The following KIF13B variants were observed in gnomAD, a reference collection of about 807,000 sequenced individuals.
KIF13B encodes kinesin-like protein KIF13B.
A neutral mutation model predicts 222.0 loss-of-function variants in KIF13B; 127 were observed. That is an observed-to-expected ratio of 0.57 (90% CI 0.50 to 0.66). The LOEUF is 0.66. Ranked by LOEUF, KIF13B falls within the 30% of genes least tolerant of loss-of-function variation. KIF13B has a pLI of 0.00. For synonymous variants in KIF13B, 976 were observed against 919.0 expected, an observed-to-expected ratio of 1.06 and a Z score of -1.12; for missense variants, 2,173 against 2,379.0, an observed-to-expected ratio of 0.91 and a Z score of 1.80.
chr8:29,194,078 C>T (rs1813310269), intron 3 of KIF13B, among the ~76,000 whole-genome samples: 1 of 151,926 alleles, frequency 6.6e-6, no homozygotes, highest in African/African-American at 2.4e-5. Context: ...CTGGCCTCCG[C>T]CTCCCAAAGT....
At chr8:29,113,172 A>C (rs1809435271) in intron 32 of KIF13B, among the ~76,000 whole-genome samples, 1 of 152,232 alleles carries the variant, frequency 6.6e-6, no homozygotes, top group Non-Finnish European at 1.5e-5. Flanking sequence ...TCTCTATGCT[A>C]CGCTGCCTCC....
At chr8:29,208,411 A>C (rs1814054616) in intron 2 of KIF13B, among the ~76,000 whole-genome samples, 1 of 152,256 alleles carries the variant, frequency 6.6e-6, no homozygotes, top group Non-Finnish European at 1.5e-5. Context: ...AAATCTGTAT[A>C]AATAAAATGA....
At chr8:29,260,924 A>G (rs1180127681) in intron 1 of KIF13B, among the ~76,000 whole-genome samples, 1 of 152,172 alleles carries the variant, frequency 6.6e-6, no homozygotes, top group East Asian at 1.9e-4. Context: ...GGCCTGTTTT[A>G]GTCTTTTTAT....
At chr8:29,103,777 C>A (rs573178364) in intron 35 of KIF13B, among the ~76,000 whole-genome samples, 2 of 152,246 alleles carry the variant, frequency 1.3e-5, no homozygotes, top group South Asian at 4.2e-4. Context: ...TAGAACCGAA[C>A]CACTTTCCTC....
At chr8:29,262,221 T>C (rs112588712) in intron 1 of KIF13B, among the ~76,000 whole-genome samples, 146 of 152,352 alleles carry the variant, frequency 9.6e-4, no homozygotes, top group Middle Eastern at 3.4e-3. Flanking sequence ...ACAGATTATT[T>C]AAATGTACTC....
intron 12 of KIF13B, among the ~76,000 whole-genome samples, chr8:29,162,822 G>T (rs193275080): frequency 7.0e-4 from 106 of 152,270 alleles, no homozygotes; most frequent in African/African-American, 2.5e-3. Context: ...ACAGTTTACT[G>T]ATATCATCAA....
intron 12 of KIF13B, among the ~76,000 whole-genome samples, chr8:29,165,237 G>A (rs188069079): frequency 1.8e-3 from 267 of 152,140 alleles, no homozygotes; most frequent in African/African-American, 6.3e-3. Flanking sequence ...TACTTTCACT[G>A]GGTTTTCACA....
chr8:29,125,182 A>G (rs971829036), intron 26 of KIF13B, among the ~76,000 whole-genome samples: 5 of 152,174 alleles, frequency 3.3e-5, no homozygotes, highest in African/African-American at 1.2e-4. Flanking sequence ...TGCTTCTCTC[A>G]CTTGTTTTTA....
intron 35 of KIF13B, among the ~76,000 whole-genome samples, chr8:29,100,933 C>T (rs760611049): frequency 7.9e-5 from 12 of 152,062 alleles, no homozygotes; most frequent in South Asian, 2.1e-4. Context: ...CTGGGTCCTG[C>T]GCACCTCAGA....
intron 35 of KIF13B, among the ~76,000 whole-genome samples, chr8:29,100,328 T>A (rs570268066): frequency 6.6e-6 from 1 of 152,340 alleles, no homozygotes; most frequent in South Asian, 2.1e-4. Flanking sequence ...TGATAAGAGA[T>A]GAGATGTAAA....
chr8:29,117,654 T>C (rs1809666315), intron 30 of KIF13B, among the ~76,000 whole-genome samples: 1 of 152,298 alleles, frequency 6.6e-6, no homozygotes, highest in African/African-American at 2.4e-5. Flanking sequence ...GACTCCTCAC[T>C]GTCAAGACTC....
intron 1 of KIF13B, among the ~76,000 whole-genome samples, chr8:29,252,089 AG>A: frequency 6.6e-6 from 1 of 152,332 alleles, no homozygotes; most frequent in East Asian, 1.9e-4. Flanking sequence ...AAGGAAAAAA[AG>A]GAAGAAATTA....
At chr8:29,215,036 C>T (rs180733948) in intron 2 of KIF13B, among the ~76,000 whole-genome samples, 50 of 152,274 alleles carry the variant, frequency 3.3e-4, no homozygotes, top group Non-Finnish European at 2.2e-4. Context: ...GTGACATCAT[C>T]AGGACTGCAT....
chr8:29,216,097 AT>A (rs1295687674), intron 2 of KIF13B, among the ~76,000 whole-genome samples: 3 of 152,176 alleles, frequency 2.0e-5, no homozygotes, highest in Non-Finnish European at 2.9e-5. Context: ...TTAAGTCTCT[AT>A]TTTTAATTGC....
At chr8:29,171,623 C>A (rs1212766750) in intron 10 of KIF13B, among the ~76,000 whole-genome samples, 1 of 150,122 alleles carries the variant, frequency 6.7e-6, no homozygotes, top group African/African-American at 2.5e-5. Context: ...TCCATTTCAA[C>A]CAATTTGGAG....
chr8:29,173,346 G>T (rs1812331576), intron 10 of KIF13B, among the ~76,000 whole-genome samples: 1 of 152,082 alleles, frequency 6.6e-6, no homozygotes, highest in South Asian at 2.1e-4. Flanking sequence ...TACAGGCCAG[G>T]CATGGTGACT....
intron 12 of KIF13B, among the ~76,000 whole-genome samples, chr8:29,162,230 T>C (rs961460128): frequency 1.3e-5 from 2 of 152,238 alleles, no homozygotes; most frequent in African/African-American, 4.8e-5. Flanking sequence ...CTAAGTCATT[T>C]AACTACAGCC....
intron 2 of KIF13B, among the ~76,000 whole-genome samples, chr8:29,204,925 A>C (rs566764881): frequency 6.6e-6 from 1 of 152,306 alleles, no homozygotes; most frequent in Non-Finnish European, 1.5e-5. Flanking sequence ...GCTTGATTAG[A>C]TTGATCTGGG....
chr8:29,092,700 C>T (rs1188384659), intron 37 of KIF13B, 45 bp downstream of exon 37: 2 of 1,571,444 alleles, frequency 1.3e-6, no homozygotes, highest in Non-Finnish European at 1.7e-6. Flanking sequence ...CAGAGCACCG[C>T]TTTATTAGAA....
Sources: allele counts gnomAD v4.1 joint callset (sites outside exome capture counted in the v4.1 genomes callset), GRCh38; gene constraint gnomAD v4.1.1; transcripts MANE v1.5; gene names NCBI Gene and HGNC (gene_info 2026-07-23, HGNC 2026-07-21).